Variants in MRPS28 observed in about 807,000 individuals in gnomAD.
MRPS28 encodes mitochondrial ribosomal protein S28, also known as small ribosomal subunit protein bS1m.
Under a neutral mutation model 10.8 loss-of-function variants are expected in MRPS28, and 7 were observed. That is an observed-to-expected ratio of 0.65 (90% confidence interval 0.37 to 1.22). The LOEUF (loss-of-function observed/expected upper bound fraction) is 1.22. MRPS28 is among the 50% of genes most tolerant of loss of function. The pLI, the probability that MRPS28 is intolerant of heterozygous loss-of-function variation, is 0.02. For synonymous variants in MRPS28, 121 were observed against 93.3 expected (o/e 1.30, Z -1.71); for missense variants, 265 against 232.9 (o/e 1.14, Z -0.90).
chr8:80,013,648 A>G (rs1442438655), intron 1 of MRPS28, among the ~76,000 whole-genome samples: 1 of 151,104 alleles, frequency 6.6e-6, no homozygotes, highest in South Asian at 2.1e-4. Context: ...AAAAAAAAAA[A>G]AAAAAGAAAA....
chr8:79,945,351 A>C (rs1346767035), intron 2 of MRPS28, among the ~76,000 whole-genome samples: 1 of 152,246 alleles, frequency 6.6e-6, no homozygotes, highest in East Asian at 1.9e-4. Flanking sequence ...ACAGCCCTGC[A>C]ACAAACCTCA....
chr8:79,947,452 T>C (rs1806948619), intron 2 of MRPS28, among the ~76,000 whole-genome samples: 1 of 152,080 alleles, frequency 6.6e-6, no homozygotes, highest in Non-Finnish European at 1.5e-5. Context: ...AATCCTACTA[T>C]GATTTTGACT....
chr8:80,013,593 CA>C (rs1809113373), intron 1 of MRPS28, among the ~76,000 whole-genome samples: 1 of 140,636 alleles, frequency 7.1e-6, no homozygotes, highest in African/African-American at 2.8e-5. Flanking sequence ...GAGACTGCGC[CA>C]TTGCACTCCA....
chr8:80,008,100 G>A (rs1023899086), intron 1 of MRPS28, among the ~76,000 whole-genome samples: 9 of 152,152 alleles, frequency 5.9e-5, no homozygotes, highest in African/African-American at 2.2e-4. Flanking sequence ...ACAGAATGGA[G>A]CCCTCAGAAA....
chr8:79,926,416 T>C (rs1417251893), intron 2 of MRPS28, among the ~76,000 whole-genome samples: 2 of 152,190 alleles, frequency 1.3e-5, no homozygotes, highest in Non-Finnish European at 2.9e-5. Context: ...ATGCAACACC[T>C]TGCAAGTCTG....
chr8:79,920,701 G>A (rs541137514), intron 2 of MRPS28, among the ~76,000 whole-genome samples: 1 of 152,074 alleles, frequency 6.6e-6, no homozygotes, highest in Non-Finnish European at 1.5e-5. Flanking sequence ...CTTTGTCAGA[G>A]GAGTAGATTG....
At chr8:79,976,752 TG>T (rs1459161207) in intron 2 of MRPS28, among the ~76,000 whole-genome samples, 1 of 152,178 alleles carries the variant, frequency 6.6e-6, no homozygotes, top group African/African-American at 2.4e-5. Context: ...ATGTTTCACT[TG>T]GTGATAATTG....
At chr8:79,929,293 T>C (rs1586040398) in intron 2 of MRPS28, among the ~76,000 whole-genome samples, 1 of 152,226 alleles carries the variant, frequency 6.6e-6, no homozygotes, top group East Asian at 1.9e-4. Flanking sequence ...AATTTTAGGC[T>C]GAATTAGAAG....
chr8:80,021,967 C>T (rs957725894), intron 1 of MRPS28, among the ~76,000 whole-genome samples: 11 of 152,166 alleles, frequency 7.2e-5, no homozygotes, highest in East Asian at 1.9e-4. Flanking sequence ...CAGTTATACA[C>T]GTAATCATCA....
At chr8:79,957,632 T>A (rs1271132136) in intron 2 of MRPS28, among the ~76,000 whole-genome samples, 1 of 150,568 alleles carries the variant, frequency 6.6e-6, no homozygotes, top group East Asian at 2.0e-4. Flanking sequence ...GGCAAGGGGA[T>A]CACTTGAGCC....
intron 2 of MRPS28, among the ~76,000 whole-genome samples, chr8:79,971,531 C>T (rs983656225): frequency 2.9e-4 from 44 of 152,106 alleles, no homozygotes; most frequent in Admixed American, 1.1e-3. Flanking sequence ...TCCCATCTTC[C>T]CATCCCTAGG....
At chr8:79,991,690 A>C (rs1188000789) in intron 2 of MRPS28, among the ~76,000 whole-genome samples, 1 of 152,224 alleles carries the variant, frequency 6.6e-6, no homozygotes, top group South Asian at 2.1e-4. Context: ...TATAGTTACT[A>C]AATTTTTGTA....
chr8:79,919,879 T>C (rs1810028132), intron 2 of MRPS28, among the ~76,000 whole-genome samples: 1 of 151,986 alleles, frequency 6.6e-6, no homozygotes, highest in Admixed American at 6.6e-5. Flanking sequence ...ACATGTGCCA[T>C]GTTGGTGTGC....
At chr8:79,953,118 A>G (rs1209336091) in intron 2 of MRPS28, among the ~76,000 whole-genome samples, 1 of 152,200 alleles carries the variant, frequency 6.6e-6, no homozygotes, top group Non-Finnish European at 1.5e-5. Flanking sequence ...CCTGTCAGAA[A>G]GGTGCTCTCA....
chr8:79,919,114 G>GCCGCAACCGGACCCTGGTT lies in MRPS28; in HGVS notation c.411_429dup (p.Leu144AsnfsTer11), dbSNP rs1193136472. 4.4e-6 allele frequency: 7 copies of GCCGCAACCGGACCCTGGTT among 1,602,956 alleles called. No individual in the cohort carries two copies. Among genetic ancestry groups the GCCGCAACCGGACCCTGGTT allele is most frequent in the Non-Finnish European group, 5.1e-6 (6 of 1,175,896 alleles). On this transcript the variant is annotated frameshift_variant, in exon 3 of 3. Coordinates refer to ENST00000276585, the MANE Select transcript of MRPS28 (RefSeq NM_014018.3). LOFTEE classifies it high-confidence loss of function. ...CTAGACGTAAGTTCAAGATCTAATA[G>GCCGCAACCGGACCCTGGTT]CCGCAACCGGACCCTGGTTCCTTTC...
At chr8:79,950,933 C>G (rs1417283053) in intron 2 of MRPS28, among the ~76,000 whole-genome samples, 1 of 152,110 alleles carries the variant, frequency 6.6e-6, no homozygotes, top group Non-Finnish European at 1.5e-5. Flanking sequence ...TTGCTGATTC[C>G]CAACCTAATA....
intron 2 of MRPS28, among the ~76,000 whole-genome samples, chr8:79,920,169 T>C (rs1004045828): frequency 2.0e-5 from 3 of 152,144 alleles, no homozygotes; most frequent in African/African-American, 7.2e-5. Context: ...ATGTGCCACA[T>C]TTTCTTAATC....
intron 2 of MRPS28, among the ~76,000 whole-genome samples, chr8:79,952,135 G>A (rs1464433089): frequency 6.6e-6 from 1 of 152,092 alleles, no homozygotes; most frequent in Non-Finnish European, 1.5e-5. Context: ...CCTCCAAGTA[G>A]ATTTCATGTT....
rs988954944 is a variant in MRPS28 at position 80,015,237 on chromosome 8, A to T, written c.214-12057T>A. On this transcript the variant is annotated intron_variant, in intron 1 of 2. Transcript: ENST00000276585. ...TCTGTGGGGAATAGAACTATTTTGA[A>T]ATACATCAGAGCACTCTCTCTTATT... is the stretch of plus-strand genomic sequence containing the variant. Among the ~76,000 whole-genome samples, 3 of 152,220 alleles carry T rather than the reference A, an allele frequency of 2.0e-5. No homozygotes were observed. In the South Asian group the frequency reaches 6.2e-4, roughly 32 times the overall value.
Sources: allele counts gnomAD v4.1 joint callset (sites outside exome capture counted in the v4.1 genomes callset), GRCh38; gene constraint gnomAD v4.1.1; transcripts MANE v1.5; gene names NCBI Gene and HGNC (gene_info 2026-07-23, HGNC 2026-07-21).